Variants in GABRA2 observed in about 807,000 individuals in gnomAD.
GABRA2 encodes the protein gamma-aminobutyric acid receptor subunit alpha-2.
In GABRA2, 16 loss-of-function variants were observed where a neutral mutation model predicts 48.7. That is an observed-to-expected ratio of 0.33 (90% CI 0.22 to 0.50). The LOEUF (loss-of-function observed/expected upper bound fraction) is 0.50. Among genes scored for constraint, GABRA2 ranks in the 20% least tolerant of loss-of-function variants. GABRA2 has a pLI of 0.98. For missense variants in GABRA2, 275 were observed against 535.6 expected, an observed-to-expected ratio of 0.51 and a Z score of 4.80; for synonymous variants, 185 against 184.5, an observed-to-expected ratio of 1.00 and a Z score of -0.02.
intron 8 of GABRA2, among the ~76,000 whole-genome samples, chr4:46,287,468 T>C (rs1274144883): frequency 6.6e-6 from 1 of 151,736 alleles, no homozygotes; most frequent in Non-Finnish European, 1.5e-5. Flanking sequence ...GATGAGTTCA[T>C]GTCCTTTGTA....
chr4:46,348,870 A>G (rs1484376195), intron 3 of GABRA2, among the ~76,000 whole-genome samples: 1 of 151,844 alleles, frequency 6.6e-6, no homozygotes, highest in African/African-American at 2.4e-5. Context: ...GCACATGTAT[A>G]CATATGTAAC....
At chr4:46,389,420 G>T in intron 1 of GABRA2, 2 of 985,228 alleles carry the variant, frequency 2.0e-6, no homozygotes, top group Non-Finnish European at 2.4e-6. Flanking sequence ...AAGAGAAGGC[G>T]CGTGAGGCTC....
At chr4:46,289,097 C>G (rs1417846772) in intron 8 of GABRA2, among the ~76,000 whole-genome samples, 1 of 152,074 alleles carries the variant, frequency 6.6e-6, no homozygotes, top group Non-Finnish European at 1.5e-5. Context: ...AGCTTATGCA[C>G]TGTTGGTGTG....
chr4:46,369,902 A>AC (rs1327253844), intron 3 of GABRA2, among the ~76,000 whole-genome samples: 2 of 152,110 alleles, frequency 1.3e-5, no homozygotes, highest in Non-Finnish European at 2.9e-5. Flanking sequence ...CTAAGCTAAA[A>AC]CCTAAAAATA....
chr4:46,298,231 C>A (rs1464429779), intron 8 of GABRA2, among the ~76,000 whole-genome samples: 1 of 152,042 alleles, frequency 6.6e-6, no homozygotes, highest in African/African-American at 2.4e-5. Flanking sequence ...AATTATTCTT[C>A]TTTCACTGTC....
chr4:46,357,414 A>G (rs1736171652), intron 3 of GABRA2, among the ~76,000 whole-genome samples: 2 of 147,084 alleles, frequency 1.4e-5, no homozygotes, highest in Non-Finnish European at 3.0e-5. Context: ...AGTATGTTGC[A>G]TTTCATTTTA....
At position 46,245,760 on chromosome 4, in the gene GABRA2, T is replaced by A. The variant is rs1025503039; in HGVS notation, c.*4548A>T. Among the ~76,000 whole-genome samples the A allele has an allele frequency of 1.3e-5, 2 of 151,144 alleles. No individual in the cohort carries two copies. Among genetic ancestry groups the A allele is most frequent in the African/African-American group, 4.8e-5 (2 of 41,350 alleles). Reference sequence around the variant, plus strand: ...ACACAGCTAAGACCCTATTAAAAGATCTTTGGGAACATTACTGTAAGCTGA... The same window carrying A: ...ACACAGCTAAGACCCTATTAAAAGAACTTTGGGAACATTACTGTAAGCTGA... On this transcript the variant is annotated 3_prime_UTR_variant, in exon 10 of 10. Transcript: ENST00000381620.
intron 4 of GABRA2, among the ~76,000 whole-genome samples, chr4:46,326,661 A>T (rs551651171): frequency 1.6e-4 from 24 of 151,882 alleles, no homozygotes; most frequent in Non-Finnish European, 2.4e-4. Context: ...TGTGAAAGTA[A>T]GATGGCTACT....
intron 9 of GABRA2, among the ~76,000 whole-genome samples, chr4:46,256,562 C>T (rs373509457): frequency 4.0e-5 from 6 of 151,332 alleles, no homozygotes; most frequent in African/African-American, 1.2e-4. Context: ...AATAACTCTT[C>T]CCTCCCCCAA....
At chr4:46,273,516 T>TATGC (rs1553902151) in intron 8 of GABRA2, among the ~76,000 whole-genome samples, 1 of 33,230 alleles carries the variant, frequency 3.0e-5, no homozygotes, top group East Asian at 7.2e-4. Flanking sequence ...TATATATATA[T>TATGC]ATATATATAT....
chr4:46,276,756 G>T (rs189183345), intron 8 of GABRA2, among the ~76,000 whole-genome samples: 4 of 152,110 alleles, frequency 2.6e-5, no homozygotes, highest in Non-Finnish European at 5.9e-5. Flanking sequence ...GTGTCTCAAT[G>T]TTTTTGTCTG....
At chr4:46,342,827 T>A (rs1733505177) in intron 3 of GABRA2, among the ~76,000 whole-genome samples, 1 of 152,014 alleles carries the variant, frequency 6.6e-6, no homozygotes, top group African/African-American at 2.4e-5. Flanking sequence ...AGCTAATTTT[T>A]ATTTATTTAT....
At chr4:46,259,249 G>A (rs1466800346) in intron 9 of GABRA2, among the ~76,000 whole-genome samples, 4 of 151,876 alleles carry the variant, frequency 2.6e-5, no homozygotes, top group Admixed American at 2.0e-4. Flanking sequence ...GGTTCCATAA[G>A]AGCCTGGGGT....
At chr4:46,369,228 T>C (rs1028804197) in intron 3 of GABRA2, among the ~76,000 whole-genome samples, 2 of 152,128 alleles carry the variant, frequency 1.3e-5, no homozygotes, top group African/African-American at 2.4e-5. Context: ...CACACCCCTG[T>C]AATCAGGGAA....
chr4:46,270,521 C>T (rs867328293), intron 8 of GABRA2, among the ~76,000 whole-genome samples: 22 of 151,850 alleles, frequency 1.4e-4, no homozygotes, highest in Middle Eastern at 3.4e-3. Flanking sequence ...CAGACTGTTT[C>T]TTTTTTTTAT....
intron 3 of GABRA2, among the ~76,000 whole-genome samples, chr4:46,352,068 G>T (rs952361259): frequency 6.6e-5 from 10 of 151,832 alleles, no homozygotes; most frequent in African/African-American, 2.4e-4. Context: ...TTCAAAGGCA[G>T]CTATGGTACA....
At chr4:46,292,655 A>G (rs894706511) in intron 8 of GABRA2, among the ~76,000 whole-genome samples, 5 of 152,200 alleles carry the variant, frequency 3.3e-5, no homozygotes, top group African/African-American at 4.8e-5. Flanking sequence ...TAGCTGAAAT[A>G]TAAGTTAAAA....
At chr4:46,377,508 C>T (rs1341901393) in intron 3 of GABRA2, among the ~76,000 whole-genome samples, 5 of 150,972 alleles carry the variant, frequency 3.3e-5, no homozygotes, top group African/African-American at 1.2e-4. Context: ...GCAACCGCCC[C>T]GTCTGAGAAG....
intron 4 of GABRA2, among the ~76,000 whole-genome samples, chr4:46,330,352 C>T (rs1731118173): frequency 6.6e-6 from 1 of 151,822 alleles, no homozygotes; most frequent in Admixed American, 6.6e-5. Flanking sequence ...TACCTAACAT[C>T]AACTACCAAC....
Sources: allele counts gnomAD v4.1 joint callset (sites outside exome capture counted in the v4.1 genomes callset), GRCh38; gene constraint gnomAD v4.1.1; transcripts MANE v1.5; gene names NCBI Gene and HGNC (gene_info 2026-07-23, HGNC 2026-07-21).